Variants in LDHAL6A observed in about 807,000 individuals in gnomAD.
The protein encoded by LDHAL6A is L-lactate dehydrogenase A-like 6A.
In LDHAL6A, 19 loss-of-function variants were observed where a neutral mutation model predicts 28.2. The observed-to-expected ratio is 0.67, with a 90% CI of 0.47 to 0.99. LDHAL6A has a LOEUF of 0.99. Among genes scored for constraint, LDHAL6A ranks in the 50% least tolerant of loss-of-function variants. The pLI, the probability that LDHAL6A is intolerant of heterozygous loss-of-function variation, is 0.00. For synonymous variants in LDHAL6A, 144 were observed against 134.4 expected (o/e 1.07, Z -0.49); for missense variants, 372 against 398.6 (o/e 0.93, Z 0.57).
chr11:18,478,141 TC>T (rs1335762442), intron 6 of LDHAL6A, among the ~76,000 whole-genome samples: 1 of 152,084 alleles, frequency 6.6e-6, no homozygotes, highest in Non-Finnish European at 1.5e-5. Flanking sequence ...TAGCAGTTAG[TC>T]TCCTGGGGAA....
intron 1 of LDHAL6A, 69 bp from the exon 2 acceptor site, chr11:18,463,892 G>A (rs758334555): frequency 1.1e-6 from 1 of 951,666 alleles, no homozygotes; most frequent in Admixed American, 1.7e-5. Flanking sequence ...ACCAATATAA[G>A]AATTTTCTTT....
intron 3 of LDHAL6A, among the ~76,000 whole-genome samples, chr11:18,469,858 C>A (rs1849214950): frequency 6.6e-6 from 1 of 152,154 alleles, no homozygotes; most frequent in South Asian, 2.1e-4. Context: ...CAAAAACTGA[C>A]AACTTTAAAT....
intron 3 of LDHAL6A, among the ~76,000 whole-genome samples, chr11:18,468,078 T>TATATA (rs1565071878): frequency 1.5e-5 from 2 of 130,538 alleles, no homozygotes; most frequent in African/African-American, 2.9e-5. Flanking sequence ...TATATATATA[T>TATATA]TTTGCTTGTC....
intron 1 of LDHAL6A, among the ~76,000 whole-genome samples, chr11:18,460,804 T>A (rs1848879817): frequency 6.6e-6 from 1 of 152,150 alleles, no homozygotes. Context: ...GAATTGGATA[T>A]GTGCTTAAAT....
intron 3 of LDHAL6A, among the ~76,000 whole-genome samples, chr11:18,472,104 T>C (rs1849270097): frequency 1.3e-5 from 2 of 152,192 alleles, no homozygotes; most frequent in African/African-American, 4.8e-5. Flanking sequence ...GCTGAGTTAC[T>C]TGCTCTGTTT....
At chr11:18,467,926 C>A in intron 3 of LDHAL6A, among the ~76,000 whole-genome samples, 1 of 55,458 alleles carries the variant, frequency 1.8e-5, no homozygotes, top group Non-Finnish European at 3.0e-5. Context: ...TATACACACA[C>A]ATATATATAT....
At position 18,456,659 on chromosome 11, in the gene LDHAL6A, T is replaced by A; in HGVS notation, c.-22T>A. Reference sequence around the variant, plus strand: ...GTCTTGGAAATGGCTGTGCAATTTGTCTTCACTGTTAGGTTTCCAAGATGG... The same window carrying A: ...GTCTTGGAAATGGCTGTGCAATTTGACTTCACTGTTAGGTTTCCAAGATGG... On this transcript the variant is annotated 5_prime_UTR_variant, in exon 1 of 7. The change creates a premature stop within an existing upstream ORF in the 5' untranslated region. Transcript: ENST00000280706. 1 of 1,612,632 alleles carries A rather than the reference T, an allele frequency of 6.2e-7. No individual in the cohort carries two copies. The highest frequency in any genetic ancestry group is 8.5e-7 in the Non-Finnish European group (1 of 1,179,360).
chr11:18,473,721 T>C (rs1377041409), intron 3 of LDHAL6A, among the ~76,000 whole-genome samples: 1 of 152,162 alleles, frequency 6.6e-6, no homozygotes, highest in Admixed American at 6.5e-5. Flanking sequence ...TGGTAGTTTT[T>C]TTCTCCCTTG....
rs2658557 is a variant in LDHAL6A at position 18,479,592 on chromosome 11, A to C, written c.*722A>C. 152,190 of 152,200 alleles carry C rather than the reference A, an allele frequency of 1. 76,090 individuals carry two copies. Among genetic ancestry groups the C allele is most frequent in the Non-Finnish European group, 1 (68,018 of 68,018 alleles). The allele number at this position is 152,200 out of a possible 1,614,324, so 9.4% of individuals were successfully genotyped here. On this transcript the variant is annotated 3_prime_UTR_variant, in exon 7 of 7. Transcript: ENST00000280706. ...AAATGTTCCTAACACTAGATAAAAC[A>C]TTGATTTGACCTTGCTGTTTTTTAT...
At position 18,465,736 on chromosome 11, in the gene LDHAL6A, C is replaced by G; in HGVS notation, c.344C>G (p.Ser115Cys). The G allele has an allele frequency of 6.2e-7, 1 of 1,613,516 alleles. No individual in the cohort carries two copies. Among genetic ancestry groups the G allele is most frequent in the Non-Finnish European group, 8.5e-7 (1 of 1,179,448 alleles). ...CTTGATTTAGTCCAGCGAAATGTATCCATCTTTAAATTAATGATTCCCAAT... is the reference window on the plus strand; with the variant it reads ...CTTGATTTAGTCCAGCGAAATGTATGCATCTTTAAATTAATGATTCCCAAT... ...TRLDLVQRNV[S>C]IFKLMIPNIT... Residue 115 changes from serine (S) to cysteine (C), a missense_variant, in exon 3 of 7, where the codon TCC becomes TGC. Ser to Cys is a moderately radical substitution (Grantham distance 112). This residue lies in a region of LDHAL6A where 291 missense variants were observed against 302.9 expected (regional missense o/e 0.96). Coordinates refer to ENST00000280706, the MANE Select transcript of LDHAL6A (RefSeq NM_144972.5).
At chr11:18,466,489 C>CA (rs1469806802) in intron 3 of LDHAL6A, among the ~76,000 whole-genome samples, 14 of 151,550 alleles carry the variant, frequency 9.2e-5, no homozygotes, top group Non-Finnish European at 1.9e-4. Context: ...TCCATCTCTA[C>CA]AAAAAAATAC....
chr11:18,472,962 G>T (rs1229840423), intron 3 of LDHAL6A, among the ~76,000 whole-genome samples: 1 of 151,802 alleles, frequency 6.6e-6, no homozygotes. Context: ...TATGTGAATG[G>T]CTCTAAAAAC....
chr11:18,458,381 GTA>G (rs1848812643), intron 1 of LDHAL6A, among the ~76,000 whole-genome samples: 1 of 151,790 alleles, frequency 6.6e-6, no homozygotes, highest in Admixed American at 6.6e-5. Flanking sequence ...AATGCCACCT[GTA>G]GCACCCATTG....
chr11:18,467,954 T>TATACACAC (rs1849135040), intron 3 of LDHAL6A, among the ~76,000 whole-genome samples: 1 of 45,502 alleles, frequency 2.2e-5, no homozygotes, highest in African/African-American at 8.6e-5. Flanking sequence ...CATATATATA[T>TATACACAC]ACGTATATAT....
intron 2 of LDHAL6A, among the ~76,000 whole-genome samples, chr11:18,464,987 G>GTTTTTTTTTTTTTTTTT (rs1449560278): frequency 1.9e-5 from 2 of 104,384 alleles, no homozygotes; most frequent in African/African-American, 3.9e-5. Flanking sequence ...GTTTTTTTTT[G>GTTTTTTTTTTTTTTTTT]TTTTGTTTTG....
chr11:18,468,467 T>G (rs959626232), intron 3 of LDHAL6A: 10 of 151,802 alleles, frequency 6.6e-5, no homozygotes, highest in African/African-American at 2.4e-4. Context: ...GCCTCCTGAG[T>G]AGCTGGGATT....
chr11:18,477,253 G>A (rs1849406941), intron 5 of LDHAL6A, among the ~76,000 whole-genome samples: 1 of 152,054 alleles, frequency 6.6e-6, no homozygotes, highest in South Asian at 2.1e-4. Flanking sequence ...GAGATCAGGA[G>A]TATGAGACCA....
intron 3 of LDHAL6A, among the ~76,000 whole-genome samples, chr11:18,472,614 T>C (rs1849279998): frequency 6.6e-6 from 1 of 152,214 alleles, no homozygotes; most frequent in Non-Finnish European, 1.5e-5. Context: ...GAATCTTAAA[T>C]TGTCTTCATA....
At chr11:18,467,476 T>C (rs1849103527) in intron 3 of LDHAL6A, among the ~76,000 whole-genome samples, 1 of 152,156 alleles carries the variant, frequency 6.6e-6, no homozygotes, top group African/African-American at 2.4e-5. Flanking sequence ...GAAGCTCAAC[T>C]CCATAGTAGT....
Sources: gnomAD v4.1 joint callset for allele counts (sites outside exome capture counted in the v4.1 genomes callset) on GRCh38, gnomAD v4.1.1 for gene constraint, gnomAD v4.1.1 regional missense constraint, MANE v1.5 for transcripts, NCBI Gene and HGNC (gene_info 2026-07-23, HGNC 2026-07-21) for gene names.